The following MAMDC2 variants were observed in gnomAD, a reference collection of about 807,000 sequenced individuals.
MAMDC2 encodes MAM domain containing 2, also known as MAM domain-containing protein 2.
MAMDC2 carries 57 observed loss-of-function variants against 89.8 expected under a neutral mutation model. The ratio of observed to expected loss-of-function variants is 0.63; its 90% CI spans 0.51 to 0.79. The LOEUF is 0.79. MAMDC2 is among the 30% of genes least tolerant of loss of function. The pLI, the probability that MAMDC2 is intolerant of heterozygous loss-of-function variation, is 0.00. For synonymous variants in MAMDC2, 313 were observed against 293.4 expected, an observed-to-expected ratio of 1.07 and a Z score of -0.68; for missense variants, 800 against 820.6, an observed-to-expected ratio of 0.97 and a Z score of 0.31.
At chr9:70,053,671 C>T (rs1826964144) in intron 2 of MAMDC2, among the ~76,000 whole-genome samples, 2 of 152,152 alleles carry the variant, frequency 1.3e-5, no homozygotes, top group South Asian at 4.1e-4. Flanking sequence ...AATATTTGGG[C>T]AAGAGTAATA....
intron 2 of MAMDC2, among the ~76,000 whole-genome samples, chr9:70,084,411 A>G (rs1827721094): frequency 6.6e-6 from 1 of 152,136 alleles, no homozygotes; most frequent in South Asian, 2.1e-4. Context: ...CCTGATATAG[A>G]GTAGATGCTC....
chr9:70,161,999 T>G (rs1040181997), intron 9 of MAMDC2, among the ~76,000 whole-genome samples: 1 of 152,220 alleles, frequency 6.6e-6, no homozygotes, highest in Non-Finnish European at 1.5e-5. Context: ...GTTCATTTTG[T>G]GAAAATGGGT....
intron 11 of MAMDC2, among the ~76,000 whole-genome samples, chr9:70,203,589 C>T (rs1265408867): frequency 5.0e-5 from 4 of 79,626 alleles, no homozygotes; most frequent in Admixed American, 1.6e-4. Flanking sequence ...TTTCCTGAAT[C>T]TGAACGTTGG....
At chr9:70,151,243 C>T (rs1489924985) in intron 9 of MAMDC2, among the ~76,000 whole-genome samples, 3 of 152,226 alleles carry the variant, frequency 2.0e-5, no homozygotes, top group Non-Finnish European at 4.4e-5. Context: ...AGTTTATAAC[C>T]ACTTTCCTCA....
At chr9:70,219,727 C>G (rs978918084) in intron 12 of MAMDC2, among the ~76,000 whole-genome samples, 2 of 152,172 alleles carry the variant, frequency 1.3e-5, no homozygotes, top group Admixed American at 6.5e-5. Context: ...CAAAGAATAA[C>G]AGGTAGCTTC....
chr9:70,134,450 G>A (rs2030930813), intron 7 of MAMDC2, among the ~76,000 whole-genome samples: 1 of 151,828 alleles, frequency 6.6e-6, no homozygotes, highest in Non-Finnish European at 1.5e-5. Context: ...ATGCCTAAGA[G>A]GTGATCCCAT....
chr9:70,112,508 A>T (rs915830087), intron 4 of MAMDC2, among the ~76,000 whole-genome samples: 4 of 152,162 alleles, frequency 2.6e-5, no homozygotes, highest in Admixed American at 6.5e-5. Flanking sequence ...GGAATGGAGG[A>T]CTGGGCCAGT....
rs1564006664 is a variant in MAMDC2 at position 70,226,028 on chromosome 9, A to G, written c.2057A>G (p.Tyr686Cys). ...TCTGAGGACTTAAATGAAATTGAGT[A>G]TTAAGAAATGATCTGCATTGGATTT... Reference protein sequence around the residue: ...GYSEDLNEIEY With the variant: ...GYSEDLNEIEC The change falls in exon 14 of 14, where the codon TAT becomes TGT. Residue 686 changes from tyrosine to cysteine, a missense_variant. Transcript: ENST00000377182. 1.3e-6 allele frequency: 2 copies of G among 1,555,642 alleles called. No homozygotes were observed. The highest frequency in any genetic ancestry group is 1.8e-6 in the Non-Finnish European group (2 of 1,140,420).
At position 70,170,526 on chromosome 9, in the gene MAMDC2, T is replaced by C; in HGVS notation, c.1546T>C (p.Cys516Arg). The change falls in exon 11 of 14, where the codon TGT (cysteine) becomes CGT (arginine). Residue 516 changes from cysteine to arginine, a missense_variant. Transcript: ENST00000377182. ...AGAGTGTACTTTCGAGCAAGATGAA[T>C]GTACATTTACTCAGGAGAAAAGAAA... Reference protein sequence around the residue: ...PGECTFEQDECTFTQEKRNRS... With the variant: ...PGECTFEQDERTFTQEKRNRS... 1 of 1,613,128 alleles carries C rather than the reference T, an allele frequency of 6.2e-7. No individual in the cohort carries two copies. Among genetic ancestry groups the C allele is most frequent in the Middle Eastern group, 1.8e-4 (1 of 5,612 alleles).
intron 11 of MAMDC2, among the ~76,000 whole-genome samples, chr9:70,185,525 C>G (rs1317919459): frequency 6.6e-6 from 1 of 152,176 alleles, no homozygotes; most frequent in Admixed American, 6.5e-5. Flanking sequence ...GGGGCTCTGT[C>G]CCAGGGAGAT....
chr9:70,207,056 G>T (rs1435739147), intron 11 of MAMDC2, among the ~76,000 whole-genome samples: 1 of 152,112 alleles, frequency 6.6e-6, no homozygotes, highest in African/African-American at 2.4e-5. Flanking sequence ...TGGTTCCAAG[G>T]CTTTGCTATT....
intron 11 of MAMDC2, among the ~76,000 whole-genome samples, chr9:70,186,306 TTTTTG>T (rs2032753621): frequency 6.6e-6 from 1 of 151,804 alleles, no homozygotes; most frequent in African/African-American, 2.4e-5. Context: ...TAGCTTTTTA[TTTTTG>T]TTTTGTTTCA....
At chr9:70,175,612 TAGTATCAGC>T (rs978913195) in intron 11 of MAMDC2, 4 of 152,184 alleles carry the variant, frequency 2.6e-5, no homozygotes, top group Non-Finnish European at 5.9e-5. Flanking sequence ...TAGGGTTCAG[TAGTATCAGC>T]AGTTTCAGGC....
chr9:70,112,294 C>T (rs963770697), intron 4 of MAMDC2, among the ~76,000 whole-genome samples: 4 of 152,140 alleles, frequency 2.6e-5, no homozygotes, highest in Non-Finnish European at 5.9e-5. Flanking sequence ...TGCAAACATG[C>T]CAATGACACT....
At chr9:70,122,859 G>C (rs1291690228) in intron 5 of MAMDC2, among the ~76,000 whole-genome samples, 1 of 152,134 alleles carries the variant, frequency 6.6e-6, no homozygotes, top group Admixed American at 6.5e-5. Flanking sequence ...CCTGACCCCT[G>C]AGGAAGAGGA....
intron 12 of MAMDC2, among the ~76,000 whole-genome samples, chr9:70,221,688 GTTAA>G (rs2033569494): frequency 6.6e-6 from 1 of 151,828 alleles, no homozygotes; most frequent in Admixed American, 6.6e-5. Context: ...TGACAGATAT[GTTAA>G]TTAGCTTGAG....
At chr9:70,066,301 A>G (rs1827261999) in intron 2 of MAMDC2, among the ~76,000 whole-genome samples, 1 of 152,236 alleles carries the variant, frequency 6.6e-6, no homozygotes, top group Non-Finnish European at 1.5e-5. Flanking sequence ...AGAACTGTCA[A>G]GAAGCCAGTG....
intron 13 of MAMDC2, 58 bp from the exon 14 acceptor site, chr9:70,225,910 A>G: frequency 6.8e-7 from 1 of 1,464,782 alleles, no homozygotes; most frequent in Non-Finnish European, 9.4e-7. Flanking sequence ...CAAGAATACA[A>G]ATTAAATATT....
chr9:70,178,902 A>C (rs2032570644), intron 11 of MAMDC2, among the ~76,000 whole-genome samples: 1 of 152,178 alleles, frequency 6.6e-6, no homozygotes. Flanking sequence ...TGAAGTATGG[A>C]GCCATTAAAC....
Sources: gnomAD v4.1 joint callset for allele counts (sites outside exome capture counted in the v4.1 genomes callset) on GRCh38, gnomAD v4.1.1 for gene constraint, MANE v1.5 for transcripts, NCBI Gene and HGNC (gene_info 2026-07-23, HGNC 2026-07-21) for gene names.